GLRA3: variants seen among roughly 807,000 people sequenced by gnomAD.
GLRA3 encodes the protein glycine receptor subunit alpha-3.
A neutral mutation model predicts 60.4 loss-of-function variants in GLRA3; 44 were observed. The ratio of observed to expected loss-of-function variants is 0.73; its 90% CI spans 0.57 to 0.94. The LOEUF is 0.94. Among genes scored for constraint, GLRA3 ranks in the 40% least tolerant of loss-of-function variants. The pLI is 0.00. For synonymous variants in GLRA3, 223 were observed against 192.9 expected, an observed-to-expected ratio of 1.16 and a Z score of -1.29; for missense variants, 508 against 564.6, an observed-to-expected ratio of 0.90 and a Z score of 1.02.
chr4:174,778,389 A>G (rs1304739770), intron 2 of GLRA3, among the ~76,000 whole-genome samples: 3 of 150,704 alleles, frequency 2.0e-5, no homozygotes, highest in Non-Finnish European at 4.4e-5. Context: ...TATTTTTCTC[A>G]GCCACATCAT....
intron 7 of GLRA3, among the ~76,000 whole-genome samples, chr4:174,674,221 A>G (rs1434310869): frequency 3.3e-5 from 5 of 152,232 alleles, no homozygotes; most frequent in African/African-American, 1.2e-4. Context: ...ACCAAGGCCT[A>G]TGAAGTCTTC....
At chr4:174,778,743 C>T (rs1047008444) in intron 2 of GLRA3, among the ~76,000 whole-genome samples, 14 of 152,230 alleles carry the variant, frequency 9.2e-5, no homozygotes, top group African/African-American at 3.1e-4. Context: ...CACTCCCACC[C>T]GAATACTGCG....
intron 5 of GLRA3, among the ~76,000 whole-genome samples, chr4:174,698,350 T>C (rs1735149980): frequency 6.6e-6 from 1 of 152,106 alleles, no homozygotes; most frequent in Non-Finnish European, 1.5e-5. Flanking sequence ...AGCTACTTTT[T>C]TGGGTTTTTA....
chr4:174,822,978 A>G (rs1022923110), intron 1 of GLRA3, among the ~76,000 whole-genome samples: 1 of 152,180 alleles, frequency 6.6e-6, no homozygotes, highest in African/African-American at 2.4e-5. Flanking sequence ...TCCTCTTCTG[A>G]TAACATCTCA....
At chr4:174,824,796 T>G (rs1265185404) in intron 1 of GLRA3, among the ~76,000 whole-genome samples, 1 of 152,202 alleles carries the variant, frequency 6.6e-6, no homozygotes, top group African/African-American at 2.4e-5. Flanking sequence ...TGTACTTTTT[T>G]CTTTTGATGT....
rs898132805 is a variant in GLRA3 at position 174,643,980 on chromosome 4, T to C, written c.1201A>G (p.Lys401Glu). 2 of 1,613,904 alleles carry C rather than the reference T, an allele frequency of 1.2e-6. No individual in the cohort carries two copies. Among genetic ancestry groups the C allele is most frequent in the Non-Finnish European group, 1.7e-6 (2 of 1,179,866 alleles). The change falls in exon 10 of 10, where the codon AAG (lysine) becomes GAG (glutamate). Residue 401 changes from lysine to glutamate, a missense_variant. Coordinates refer to ENST00000274093, the MANE Select transcript of GLRA3 (RefSeq NM_006529.4). ...CLQAKDGMTP[K>E]GPNHPVQVMP... ...ACCTGGACAGGGTGGTTGGGGCCCT[T>C]TGGAGTCATGCCATCCTTTGCTTGT...
rs564921674 is a variant in GLRA3 at position 174,726,423 on chromosome 4, A to G, written c.491+2052T>C. 2.3e-4 allele frequency among the ~76,000 whole-genome samples: 35 copies of G among 152,226 alleles called. No individual in the cohort carries two copies. The South Asian group carries it at 6.9e-3, about 30-fold the overall frequency. ...GCTTTGCTGTCTTAAGGGGGATTGC[A>G]TTTCTTCCTGTGGTGTTGGGCTGGA... is the stretch of plus-strand genomic sequence containing the variant. On this transcript the variant is annotated intron_variant, in intron 4 of 9. Transcript: ENST00000274093.
chr4:174,642,759 G>T lies in GLRA3; in HGVS notation c.*1027C>A. Reference sequence around the variant, plus strand: ...TCCCTACTTATATTTGGAGATAGGAGTTGAGACCCATAAAACATTGATGGG... The same window carrying T: ...TCCCTACTTATATTTGGAGATAGGATTTGAGACCCATAAAACATTGATGGG... On this transcript the variant is annotated 3_prime_UTR_variant, in exon 10 of 10. Transcript: ENST00000274093. 1 of 760,730 alleles carries T rather than the reference G, an allele frequency of 1.3e-6. No individual in the cohort carries two copies. The highest frequency in any genetic ancestry group is 1.6e-6 in the Non-Finnish European group (1 of 625,298). The allele number at this position is 760,730 out of a possible 1,614,324, so 47.1% of individuals were successfully genotyped here. A position where few individuals can be genotyped will look rare whatever the true frequency, so the allele number is the denominator to read the frequency against.
chr4:174,773,860 C>T (rs1738488991), intron 2 of GLRA3, among the ~76,000 whole-genome samples: 1 of 152,108 alleles, frequency 6.6e-6, no homozygotes, highest in African/African-American at 2.4e-5. Context: ...GGCTTAAGTG[C>T]TGGGATGGCT....
chr4:174,656,887 C>A, intron 8 of GLRA3, 100 bp from the exon 9 acceptor site: 1 of 703,718 alleles, frequency 1.4e-6, no homozygotes, highest in Non-Finnish European at 2.6e-6. Context: ...TTGTATATAC[C>A]ATTTGAACAG....
At chr4:174,782,887 T>G (rs1010865074) in intron 2 of GLRA3, among the ~76,000 whole-genome samples, 1 of 152,030 alleles carries the variant, frequency 6.6e-6, no homozygotes, top group African/African-American at 2.4e-5. Flanking sequence ...AAAATGGCCA[T>G]ACTGCCCAAG....
intron 3 of GLRA3, among the ~76,000 whole-genome samples, chr4:174,733,790 G>A (rs937919356): frequency 6.6e-6 from 1 of 152,106 alleles, no homozygotes; most frequent in Non-Finnish European, 1.5e-5. Context: ...ATGGGATGCT[G>A]TGCCTCTTGT....
intron 4 of GLRA3, among the ~76,000 whole-genome samples, chr4:174,724,538 G>C (rs1486609799): frequency 6.6e-6 from 1 of 151,970 alleles, no homozygotes; most frequent in African/African-American, 2.4e-5. Context: ...ATTTTTGCTT[G>C]AACTGTCAAA....
At chr4:174,653,051 T>G (rs1019797925) in intron 9 of GLRA3, among the ~76,000 whole-genome samples, 1 of 152,108 alleles carries the variant, frequency 6.6e-6, no homozygotes, top group Non-Finnish European at 1.5e-5. Context: ...GCTTATACAA[T>G]TAAAGTATTA....
Position 174,695,777 on chromosome 4 carries a change from T to C in GLRA3, c.575-12838A>G, listed in dbSNP as rs1473793595. Among the ~76,000 whole-genome samples the C allele has an allele frequency of 2.0e-5, 3 of 152,022 alleles. No homozygotes were observed. In the East Asian group the frequency reaches 5.8e-4, roughly 29 times the overall value. The stretch of plus-strand genomic sequence containing the variant: ...GACAAAGAAATAAAGGATATCCAAA[T>C]AGGAAGAGGGGATGTCAAACTACCT... On this transcript the variant is annotated intron_variant, in intron 5 of 9. Transcript: ENST00000274093.
At chr4:174,726,914 G>T (rs568701926) in intron 4 of GLRA3, among the ~76,000 whole-genome samples, 66 of 152,202 alleles carry the variant, frequency 4.3e-4, no homozygotes, top group Non-Finnish European at 8.4e-4. Flanking sequence ...GCATAGACCT[G>T]GAATTCACCA....
At chr4:174,762,349 A>G (rs1737973346) in intron 3 of GLRA3, among the ~76,000 whole-genome samples, 1 of 152,076 alleles carries the variant, frequency 6.6e-6, no homozygotes, top group Admixed American at 6.6e-5. Context: ...TAAAAGTTTG[A>G]CAGTTAGCTG....
chr4:174,659,290 C>T (rs149371787), intron 7 of GLRA3, 93 bp from the exon 8 acceptor site: 3 of 852,656 alleles, frequency 3.5e-6, no homozygotes, highest in Admixed American at 2.8e-5. Flanking sequence ...TGAATTATGT[C>T]ATTTATACAT....
intron 1 of GLRA3, among the ~76,000 whole-genome samples, chr4:174,804,833 A>G (rs188399944): frequency 2.0e-5 from 3 of 152,270 alleles, no homozygotes; most frequent in East Asian, 1.9e-4. Context: ...GGCATGAAAG[A>G]TTGGTCAGAC....
Sources: gnomAD v4.1 joint callset for allele counts (sites outside exome capture counted in the v4.1 genomes callset) on GRCh38, gnomAD v4.1.1 for gene constraint, MANE v1.5 for transcripts, NCBI Gene and HGNC (gene_info 2026-07-23, HGNC 2026-07-21) for gene names.